POFUT3: variants seen among roughly 807,000 people sequenced by gnomAD.
POFUT3 encodes the protein protein O-fucosyltransferase 3, also known as GDP-fucose protein O-fucosyltransferase 3.
the POFUT3 span, among the ~76,000 whole-genome samples, chr8:33,455,032 G>A: frequency 6.6e-6 from 1 of 152,064 alleles, no homozygotes; most frequent in African/African-American, 2.4e-5. Flanking sequence ...ATGCACTCTA[G>A]GGAAAATGAG....
chr8:33,358,485 A>G, the POFUT3 span, among the ~76,000 whole-genome samples: 1 of 152,144 alleles, frequency 6.6e-6, no homozygotes, highest in Non-Finnish European at 1.5e-5. Flanking sequence ...GTAAATATGG[A>G]CTGTGTATTA....
chr8:33,378,153 A>G, the POFUT3 span, among the ~76,000 whole-genome samples: 50,061 of 151,988 alleles, frequency 0.33, 10,219 homozygotes, highest in East Asian at 0.56. Flanking sequence ...GATTGGAAAG[A>G]GTCTCCCTCC....
chr8:33,324,564 A>G, the POFUT3 span, among the ~76,000 whole-genome samples: 1 of 152,152 alleles, frequency 6.6e-6, no homozygotes, highest in Non-Finnish European at 1.5e-5. Context: ...TTTGTTATCT[A>G]AACCCCAGCT....
At chr8:33,380,191 ATATATATATAC>A in the POFUT3 span, among the ~76,000 whole-genome samples, 69 of 57,032 alleles carry the variant, frequency 1.2e-3, 1 homozygote, top group South Asian at 6.2e-3. Context: ...TATATATACT[ATATATATATAC>A]TATATATATA....
the POFUT3 span, among the ~76,000 whole-genome samples, chr8:33,331,956 G>GC: frequency 1 from 151,436 of 151,444 alleles, 75,714 homozygotes; most frequent in Middle Eastern, 1. Flanking sequence ...GATTACAGGC[G>GC]GAGCCACCGC....
chr8:33,332,572 T>G, the POFUT3 span, among the ~76,000 whole-genome samples: 1 of 151,940 alleles, frequency 6.6e-6, no homozygotes, highest in East Asian at 1.9e-4. Context: ...TGTAAGAAAT[T>G]TCACAGCGTG....
At chr8:33,322,773 T>C in the POFUT3 span, among the ~76,000 whole-genome samples, 8 of 152,154 alleles carry the variant, frequency 5.3e-5, no homozygotes, top group Non-Finnish European at 1.0e-4. Context: ...ACAAATAGCA[T>C]TAAGGCAGAT....
At chr8:33,447,595 G>T in the POFUT3 span, among the ~76,000 whole-genome samples, 1 of 152,052 alleles carries the variant, frequency 6.6e-6, no homozygotes, top group Non-Finnish European at 1.5e-5. Flanking sequence ...CACAGTATTC[G>T]CATATTTCAC....
At chr8:33,418,172 G>A in the POFUT3 span, among the ~76,000 whole-genome samples, 7 of 152,138 alleles carry the variant, frequency 4.6e-5, no homozygotes, top group Admixed American at 4.6e-4. Context: ...GCACCCCAGT[G>A]ATATCCCCCT....
the POFUT3 span, among the ~76,000 whole-genome samples, chr8:33,376,886 G>A: frequency 3.9e-5 from 6 of 152,152 alleles, no homozygotes; most frequent in Non-Finnish European, 8.8e-5. Flanking sequence ...TTGGCTGGTA[G>A]GTACAGATGC....
At chr8:33,370,983 T>C in the POFUT3 span, 1 of 152,266 alleles carries the variant, frequency 6.6e-6, no homozygotes, top group East Asian at 1.9e-4. Context: ...GTGCTTCCCT[T>C]GAATAACATA....
At chr8:33,451,068 G>GTGTC in the POFUT3 span, among the ~76,000 whole-genome samples, 1 of 148,836 alleles carries the variant, frequency 6.7e-6, no homozygotes, top group Non-Finnish European at 1.5e-5. Flanking sequence ...GGAGGTGTAT[G>GTGTC]TGTGTGTGTG....
chr8:33,446,034 C>T, the POFUT3 span, among the ~76,000 whole-genome samples: 1 of 152,170 alleles, frequency 6.6e-6, no homozygotes, highest in Non-Finnish European at 1.5e-5. Context: ...CCTGTCCTCA[C>T]TGCAACTCTG....
the POFUT3 span, among the ~76,000 whole-genome samples, chr8:33,443,849 G>A: frequency 6.6e-6 from 1 of 152,220 alleles, no homozygotes; most frequent in African/African-American, 2.4e-5. Context: ...CTACTGGCCA[G>A]GCATGGGGAC....
chr8:33,423,750 T>C, the POFUT3 span, among the ~76,000 whole-genome samples: 5 of 142,580 alleles, frequency 3.5e-5, no homozygotes, highest in Non-Finnish European at 7.5e-5. Flanking sequence ...CAGTTTCTAG[T>C]ATAGATTTTG....
At chr8:33,453,178 C>T in the POFUT3 span, 30 of 1,597,436 alleles carry the variant, frequency 1.9e-5, no homozygotes, top group African/African-American at 2.8e-4. Flanking sequence ...GGAGGAAGAC[C>T]ACAGCAAACA....
At chr8:33,420,205 ACT>A in the POFUT3 span, among the ~76,000 whole-genome samples, 1 of 152,210 alleles carries the variant, frequency 6.6e-6, no homozygotes, top group African/African-American at 2.4e-5. Flanking sequence ...CTAATGGAAC[ACT>A]GTTAAAATAA....
chr8:33,418,871 C>T, the POFUT3 span, among the ~76,000 whole-genome samples: 1 of 152,262 alleles, frequency 6.6e-6, no homozygotes, highest in Middle Eastern at 3.4e-3. Flanking sequence ...GACACATATA[C>T]ACAATATAAT....
chr8:33,369,200 T>A, the POFUT3 span, among the ~76,000 whole-genome samples: 1 of 152,116 alleles, frequency 6.6e-6, no homozygotes, highest in African/African-American at 2.4e-5. Context: ...CACAAGGAGG[T>A]TGGATATTAT....
Sources: gnomAD v4.1 joint callset for allele counts (sites outside exome capture counted in the v4.1 genomes callset) on GRCh38, gnomAD v4.1.1 for gene constraint, MANE v1.5 for transcripts, NCBI Gene and HGNC (gene_info 2026-07-23, HGNC 2026-07-21) for gene names.